The following DNM3 variants were observed in gnomAD, a reference collection of about 807,000 sequenced individuals.
DNM3 encodes the protein dynamin-3.
A neutral mutation model predicts 101.6 loss-of-function variants in DNM3; 47 were observed. The ratio of observed to expected loss-of-function variants is 0.46; its 90% CI spans 0.37 to 0.59. The LOEUF is 0.59. Ranked by LOEUF, DNM3 falls within the 20% of genes least tolerant of loss-of-function variation. The pLI, the probability that DNM3 is intolerant of heterozygous loss-of-function variation, is 0.00. For missense variants in DNM3, 849 were observed against 1,085.7 expected (o/e 0.78, Z 3.06); for synonymous variants, 385 against 387.9 (o/e 0.99, Z 0.09).
chr1:172,204,200 A>T (rs2060250647), intron 14 of DNM3, among the ~76,000 whole-genome samples: 1 of 152,174 alleles, frequency 6.6e-6, no homozygotes, highest in Non-Finnish European at 1.5e-5. Context: ...TTTGAAACTT[A>T]AAACTGGCAT....
At chr1:172,101,662 G>A (rs1159623823) in intron 13 of DNM3, among the ~76,000 whole-genome samples, 1 of 152,124 alleles carries the variant, frequency 6.6e-6, no homozygotes, top group Non-Finnish European at 1.5e-5. Flanking sequence ...CTGAGGCATG[G>A]AGAGGCAAAG....
At chr1:172,360,907 CATT>C (rs1442889227) in intron 17 of DNM3, among the ~76,000 whole-genome samples, 1 of 151,976 alleles carries the variant, frequency 6.6e-6, no homozygotes, top group Non-Finnish European at 1.5e-5. Context: ...TTGTGGAACT[CATT>C]AGTCCCAAAA....
chr1:171,954,503 G>C (rs762725912), intron 2 of DNM3, among the ~76,000 whole-genome samples: 4 of 152,096 alleles, frequency 2.6e-5, no homozygotes, highest in Non-Finnish European at 4.4e-5. Flanking sequence ...GTTCCTTGTT[G>C]ACAAAATGGA....
chr1:172,277,437 T>C (rs2063331925), intron 15 of DNM3, among the ~76,000 whole-genome samples: 1 of 152,036 alleles, frequency 6.6e-6, no homozygotes, highest in Non-Finnish European at 1.5e-5. Flanking sequence ...TGGTCCAAAC[T>C]GTAGTCATAG....
intron 14 of DNM3, among the ~76,000 whole-genome samples, chr1:172,215,149 C>G (rs2060646691): frequency 6.6e-6 from 1 of 151,978 alleles, no homozygotes; most frequent in African/African-American, 2.4e-5. Flanking sequence ...TGTAATAATC[C>G]TGGCCAATAT....
rs750270768 is a variant in DNM3 at position 172,032,526 on chromosome 1, C to CTTTTT, written c.688+51_688+55dup. 5.0e-5 allele frequency: 18 copies of CTTTTT among 360,802 alleles called. 1 individual carries two copies. Among genetic ancestry groups the CTTTTT allele is most frequent in the Admixed American group, 2.0e-4 (3 of 14,924 alleles). The allele number at this position is 360,802 out of a possible 1,614,324, so 22.4% of individuals were successfully genotyped here. A position where few individuals can be genotyped will look rare whatever the true frequency, so the allele number is the denominator to read the frequency against. ...GTAATGTACTGTGGTCTATACAAGA[C>CTTTTT]TTTTTTTTTTTTTTTTTTTTTTTTT... On this transcript the variant is annotated intron_variant, in intron 5 of 20. Coordinates refer to ENST00000627582, the MANE Select transcript of DNM3 (RefSeq NM_015569.5).
intron 2 of DNM3, among the ~76,000 whole-genome samples, chr1:171,959,717 G>C (rs754026563): frequency 6.6e-6 from 1 of 152,156 alleles, no homozygotes; most frequent in Non-Finnish European, 1.5e-5. Context: ...AGGAGGAAAA[G>C]TGAGTGGCAT....
chr1:172,246,535 A>T (rs2061961089), intron 14 of DNM3, among the ~76,000 whole-genome samples: 1 of 152,212 alleles, frequency 6.6e-6, no homozygotes, highest in African/African-American at 2.4e-5. Context: ...AGAGAAGCAG[A>T]GTGGCAAATA....
chr1:172,274,191 A>G (rs2148759464), intron 15 of DNM3, among the ~76,000 whole-genome samples: 1 of 152,134 alleles, frequency 6.6e-6, no homozygotes, highest in Non-Finnish European at 1.5e-5. Context: ...ACCCCAATAT[A>G]AAAACCGAAA....
intron 14 of DNM3, among the ~76,000 whole-genome samples, chr1:172,246,512 T>G (rs2061960411): frequency 1.3e-5 from 2 of 152,194 alleles, no homozygotes; most frequent in African/African-American, 4.8e-5. Context: ...CTAGATAATC[T>G]CTTTTGAGGC....
At chr1:172,049,251 C>T (rs2050035642) in intron 10 of DNM3, among the ~76,000 whole-genome samples, 1 of 152,156 alleles carries the variant, frequency 6.6e-6, no homozygotes, top group Admixed American at 6.5e-5. Flanking sequence ...GGCTCTGATA[C>T]TTTCTGTGTG....
At chr1:171,990,247 T>G (rs1369612156) in intron 4 of DNM3, among the ~76,000 whole-genome samples, 1 of 152,174 alleles carries the variant, frequency 6.6e-6, no homozygotes, top group African/African-American at 2.4e-5. Context: ...GTTAGAGACC[T>G]TTTTCAAATG....
At chr1:172,077,251 C>A (rs145237720) in intron 11 of DNM3, among the ~76,000 whole-genome samples, 1 of 151,896 alleles carries the variant, frequency 6.6e-6, no homozygotes, top group East Asian at 1.9e-4. Context: ...TTTTGTTAAT[C>A]TTTTCAAAAA....
Position 172,274,928 on chromosome 1 carries a change from C to T in DNM3, c.1769+21246C>T, listed in dbSNP as rs960477691. On this transcript the variant is annotated intron_variant, in intron 15 of 20. Coordinates refer to ENST00000627582, the MANE Select transcript of DNM3 (RefSeq NM_015569.5). ...CAGTGTCAAATTGCTACAAGGGCTT[C>T]CAACTGCTTACTCTTTGTTTCTGTA... Among the ~76,000 whole-genome samples the T allele has an allele frequency of 5.3e-5, 8 of 151,898 alleles. 1 individual carries two copies. The highest frequency in any genetic ancestry group is 3.3e-4 in the Admixed American group (5 of 15,212).
In DNM3 at chr1:172,020,721, C is replaced by CAAAAAAAAA. The variant is rs3051630; in HGVS notation, c.590-11666_590-11658dup. On this transcript the variant is annotated intron_variant, in intron 4 of 20. Transcript: ENST00000627582. Reference sequence around the variant, plus strand: ...CCTGGGCGACAGTGTGAGACTCCGTCAAAAAAAAAAAAAAAAAAAAAAAGA... The same window carrying CAAAAAAAAA: ...CCTGGGCGACAGTGTGAGACTCCGTCAAAAAAAAAAAAAAAAAAAAAAAAAAAAAAAAGA... Among the ~76,000 whole-genome samples the CAAAAAAAAA allele has an allele frequency of 2.0e-3, 133 of 66,300 alleles. 8 individuals carry two copies. Among genetic ancestry groups the CAAAAAAAAA allele is most frequent in the African/African-American group, 6.4e-3 (101 of 15,856 alleles). 43.5% of individuals were successfully genotyped at this position (66,300 alleles called of 152,430 possible). A position where few individuals can be genotyped will look rare whatever the true frequency, so the allele number is the denominator to read the frequency against.
chr1:172,314,668 T>A (rs1375810231), intron 16 of DNM3, among the ~76,000 whole-genome samples: 1 of 152,148 alleles, frequency 6.6e-6, no homozygotes, highest in Non-Finnish European at 1.5e-5. Context: ...AACTGCAAGG[T>A]GGCAGCGAGG....
At chr1:171,912,756 G>GA (rs2039411344) in intron 1 of DNM3, among the ~76,000 whole-genome samples, 1 of 152,212 alleles carries the variant, frequency 6.6e-6, no homozygotes, top group Admixed American at 6.5e-5. Context: ...GGGAAATGCA[G>GA]ATTGATTTGT....
At chr1:172,377,242 T>C (rs898177499) in intron 17 of DNM3, among the ~76,000 whole-genome samples, 1 of 151,790 alleles carries the variant, frequency 6.6e-6, no homozygotes, top group Non-Finnish European at 1.5e-5. Context: ...TATATTCTTA[T>C]ATGGGTTGAC....
chr1:171,953,521 G>A (rs749337944), intron 2 of DNM3, among the ~76,000 whole-genome samples: 2 of 151,184 alleles, frequency 1.3e-5, no homozygotes, highest in African/African-American at 4.9e-5. Flanking sequence ...TCTGCCTCCC[G>A]GGTTCAAGCA....
Sources: gnomAD v4.1 joint callset for allele counts (sites outside exome capture counted in the v4.1 genomes callset) on GRCh38, gnomAD v4.1.1 for gene constraint, MANE v1.5 for transcripts, NCBI Gene and HGNC (gene_info 2026-07-23, HGNC 2026-07-21) for gene names.